HHATL: variants seen among roughly 807,000 people sequenced by gnomAD.
HHATL encodes protein-cysteine N-palmitoyltransferase HHAT-like protein.
In HHATL, 49 loss-of-function variants were observed where a neutral mutation model predicts 59.7. The ratio of observed to expected loss-of-function variants is 0.82; its 90% CI spans 0.65 to 1.04. The LOEUF (loss-of-function observed/expected upper bound fraction) is 1.04, where lower values mean the gene tolerates loss of function less well. HHATL is among the 50% of genes least tolerant of loss of function. The pLI, the probability that HHATL is intolerant of heterozygous loss-of-function variation, is 0.00. For synonymous variants in HHATL, 238 were observed against 257.3 expected, an observed-to-expected ratio of 0.93 and a Z score of 0.72; for missense variants, 605 against 650.8, an observed-to-expected ratio of 0.93 and a Z score of 0.77.
chr3:42,696,623 G>A (rs928798858), intron 9 of HHATL, among the ~76,000 whole-genome samples: 1 of 152,142 alleles, frequency 6.6e-6, no homozygotes, highest in Non-Finnish European at 1.5e-5. Context: ...GCTGCTGACT[G>A]TGTGACCCTC....
intron 10 of HHATL, 140 bp downstream of exon 10, chr3:42,693,477 C>T: frequency 2.5e-6 from 2 of 812,964 alleles, no homozygotes; most frequent in Non-Finnish European, 3.9e-6. Context: ...ACAGAGTGAG[C>T]CATTGCTCTG....
At chr3:42,698,501 T>G in intron 5 of HHATL, 150 bp from the exon 6 acceptor site, 1 of 959,702 alleles carries the variant, frequency 1.0e-6, no homozygotes, top group Non-Finnish European at 1.5e-6. Context: ...CACTGCTCTA[T>G]CCCAGCAATG....
chr3:42,697,722 CTGGGGAG>C, intron 6 of HHATL, 43 bp from the exon 7 acceptor site: 1 of 1,584,646 alleles, frequency 6.3e-7, no homozygotes, highest in Non-Finnish European at 8.6e-7. Flanking sequence ...CAAGCCCTGC[CTGGGGAG>C]CCCTGTCTGA....
Position 42,700,360 on chromosome 3 carries a change from C to CTG in HHATL, c.106+359_106+360dup, listed in dbSNP as rs113288672. On this transcript the variant is annotated intron_variant, in intron 2 of 11. Transcript: ENST00000441594. ...TGTGTGTGTGTCTGGGTCTAGGTCT[C>CTG]TGTGTGTGTGTGTGTGTGTCGGGAT... Among the ~76,000 whole-genome samples, 113 of 134,072 alleles carry CTG rather than the reference C, an allele frequency of 8.4e-4. 2 individuals carry two copies. The highest frequency in any genetic ancestry group is 5.8e-3 in the South Asian group (24 of 4,138). 88.0% of individuals were successfully genotyped at this position (134,072 alleles called of 152,430 possible). A position where few individuals can be genotyped will look rare whatever the true frequency, so the allele number is the denominator to read the frequency against.
chr3:42,693,345 A>G, intron 10 of HHATL, 127 bp from the exon 11 acceptor site: 2 of 1,195,992 alleles, frequency 1.7e-6, no homozygotes, highest in Non-Finnish European at 2.4e-6. Flanking sequence ...GGAGAGCCCC[A>G]GGTCAGCTCT....
intron 11 of HHATL, 32 bp from the exon 12 acceptor site, chr3:42,692,907 A>G: frequency 6.2e-7 from 1 of 1,607,764 alleles, no homozygotes. Flanking sequence ...GATGCTCAGG[A>G]GCAGCACTGC....
At position 42,697,041 on chromosome 3, in the gene HHATL, G is replaced by A. The variant is rs115328735; in HGVS notation, c.970C>T (p.Pro324Ser). The change falls in exon 8 of 12, where the codon CCT becomes TCT. Residue 324 changes from proline to serine, a missense_variant. Pro to Ser is a moderately conservative substitution (Grantham distance 74, BLOSUM62 -1). Coordinates refer to ENST00000441594, the MANE Select transcript of HHATL (RefSeq NM_020707.4). The stretch of plus-strand genomic sequence containing the variant: ...TAGAGTGCGGTGATGCACTTGGGAG[G>A]CTGGGGTGGGTCCAGGTGGTCGAGG... ...ACLDHLDPPQ[P>S]PKCITALYVF... 1.3e-6 allele frequency: 2 copies of A among 1,598,116 alleles called. No individual in the cohort carries two copies. The highest frequency in any genetic ancestry group is 1.1e-5 in the South Asian group (1 of 88,408).
At chr3:42,700,185 T>C (rs1410679778) in intron 2 of HHATL, among the ~76,000 whole-genome samples, 2 of 148,834 alleles carry the variant, frequency 1.3e-5, no homozygotes, top group African/African-American at 5.0e-5. Flanking sequence ...TGTGTGTGTG[T>C]GTGTGTTGGG....
At position 42,692,831 on chromosome 3, in the gene HHATL, C is replaced by T. The variant is rs760059241; in HGVS notation, c.1435G>A (p.Gly479Ser). The change falls in exon 12 of 12, where the codon GGC becomes AGC. Residue 479 changes from glycine (G) to serine (S), a missense_variant. By Grantham distance (56) the Gly-to-Ser change is moderately conservative. Coordinates refer to ENST00000441594, the MANE Select transcript of HHATL (RefSeq NM_020707.4). ...TLSILFVTYC[G>S]VQLVKERERT... Reference sequence around the variant, plus strand: ...TCACGCTCCTTTACCAGCTGGACGCCACAGTAGGTGACAAACAGGATGGAC... The same window carrying T: ...TCACGCTCCTTTACCAGCTGGACGCTACAGTAGGTGACAAACAGGATGGAC... 13 of 1,614,208 alleles carry T rather than the reference C, an allele frequency of 8.1e-6. No individual in the cohort carries two copies. The highest frequency in any genetic ancestry group is 3.3e-5 in the South Asian group (3 of 91,080).
Position 42,700,832 on chromosome 3 carries a change from G to C in HHATL, c.-6C>G, listed in dbSNP as rs1325587056. 2.5e-6 allele frequency: 4 copies of C among 1,608,298 alleles called. No individual in the cohort carries two copies. The highest frequency in any genetic ancestry group is 2.7e-5 in the African/African-American group (2 of 74,798). On this transcript the variant is annotated 5_prime_UTR_variant, in exon 2 of 12. Coordinates refer to ENST00000441594, the MANE Select transcript of HHATL (RefSeq NM_020707.4). ...AATGCTGTCTTGATGCCCATAGCCT[G>C]GACAGGGCTGGGGAGACAGGTTGGG... is the stretch of plus-strand genomic sequence containing the variant.
At chr3:42,699,641 G>A in intron 3 of HHATL, 117 bp downstream of exon 3, 2 of 845,890 alleles carry the variant, frequency 2.4e-6, no homozygotes, top group Non-Finnish European at 3.8e-6. Flanking sequence ...AGGCACTGAA[G>A]CTCAAGCCAG....
In HHATL at chr3:42,693,195, G is replaced by A. The variant is rs368835249; in HGVS notation, c.1272C>T (p.Ser424=). Residue 424 remains serine, a synonymous_variant, in exon 11 of 12, where the codon TCC becomes TCT. Coordinates refer to ENST00000441594, the MANE Select transcript of HHATL (RefSeq NM_020707.4). ...RIEASLSVQM[S]RRVRALFGAM... ...CTCCAAACAGGGCCCGGACCCTACG[G>A]GACATCTGCACTGACAGAGAGGCCT... 1.9e-6 allele frequency: 3 copies of A among 1,614,034 alleles called. No homozygotes were observed. In the African/African-American group the frequency reaches 4.0e-5, roughly 22 times the overall value.
rs775227303 is a variant in HHATL, at chr3:42,693,634, GC to G, written c.1230del (p.Leu412Ter). 1 of 1,613,990 alleles carries G rather than the reference GC, an allele frequency of 6.2e-7. No individual in the cohort carries two copies. Among genetic ancestry groups the G allele is most frequent in the Admixed American group, 1.7e-5 (1 of 60,014 alleles). On this transcript the variant is annotated frameshift_variant, in exon 10 of 12. Transcript: ENST00000441594. LOFTEE classifies it high-confidence loss of function. ...CTGCTCACCTCAATTCGTGCTAGGG[GC>G]CCCCACTCTGCCAGTTTTTGCATCC... The part of the protein sequence containing the change: ...ELWMQKLAEW[G>X]PLARIEASLS...
intron 9 of HHATL, chr3:42,694,073 C>T: frequency 1.9e-6 from 1 of 539,548 alleles, no homozygotes; most frequent in African/African-American, 1.9e-5. Context: ...CAAGTACTAG[C>T]TCTATGACGA....
intron 3 of HHATL, 146 bp downstream of exon 3, chr3:42,699,612 G>T (rs1697844284): frequency 1.5e-6 from 1 of 662,682 alleles, no homozygotes; most frequent in Non-Finnish European, 2.7e-6. Context: ...GATACAGGAG[G>T]GGCCAGTAAA....
intron 9 of HHATL, among the ~76,000 whole-genome samples, chr3:42,694,638 C>T (rs1423128089): frequency 6.6e-6 from 1 of 152,228 alleles, no homozygotes; most frequent in East Asian, 1.9e-4. Flanking sequence ...CCATGCTCCC[C>T]CAGTTCATCA....
chr3:42,698,640 G>T, intron 5 of HHATL, 68 bp downstream of exon 5: 1 of 1,491,720 alleles, frequency 6.7e-7, no homozygotes, highest in South Asian at 1.4e-5. Context: ...TGGGGTGCAA[G>T]GACTTTGGAT....
Position 42,701,602 on chromosome 3 carries a change from A to G in HHATL, c.-13-763T>C, listed in dbSNP as rs986128297. On this transcript the variant is annotated intron_variant, in intron 1 of 11. Coordinates refer to ENST00000441594, the MANE Select transcript of HHATL (RefSeq NM_020707.4). This position sits in a 1 kb window ranked among gnomAD's most constrained non-coding sequence, Gnocchi z 5.1. ...GGGCCAGGCGGGGCCAGGCGGGGCC[A>G]GGGAGGGCACTGGCTGCTGTCCAAG... 4 of 152,556 alleles carry G rather than the reference A, an allele frequency of 2.6e-5. No individual in the cohort carries two copies. The highest frequency in any genetic ancestry group is 2.0e-4 in the Admixed American group (3 of 15,288). 9.5% of individuals were successfully genotyped at this position (152,556 alleles called of 1,614,324 possible).
intron 9 of HHATL, among the ~76,000 whole-genome samples, chr3:42,694,833 C>A (rs954914679): frequency 1.5e-4 from 23 of 152,188 alleles, no homozygotes; most frequent in African/African-American, 5.3e-4. Context: ...AAGCTTCTAC[C>A]CTGTTGTCAA....
Sources: gnomAD v4.1 joint callset for allele counts (sites outside exome capture counted in the v4.1 genomes callset) on GRCh38, gnomAD v4.1.1 for gene constraint, Gnocchi (gnomAD v3.1) non-coding constraint, MANE v1.5 for transcripts, NCBI Gene and HGNC (gene_info 2026-07-23, HGNC 2026-07-21) for gene names.